Variants in RPAP3 observed in about 807,000 individuals in gnomAD.
RPAP3 encodes the protein RNA polymerase II associated protein 3.
In RPAP3, 58 loss-of-function variants were observed where a neutral mutation model predicts 88.8. The observed-to-expected ratio is 0.65, with a 90% CI of 0.53 to 0.81. The LOEUF is 0.81. Ranked by LOEUF, RPAP3 falls within the 40% of genes least tolerant of loss-of-function variation. The pLI, the probability that RPAP3 is intolerant of heterozygous loss-of-function variation, is 0.00. For synonymous variants in RPAP3, 255 were observed against 259.9 expected (o/e 0.98, Z 0.18); for missense variants, 751 against 764.3 (o/e 0.98, Z 0.20).
intron 9 of RPAP3, among the ~76,000 whole-genome samples, chr12:47,685,149 C>T (rs1409907864): frequency 1.3e-5 from 2 of 152,150 alleles, no homozygotes; most frequent in African/African-American, 4.8e-5. Context: ...GAGGCCGAGA[C>T]GGGCAGATCA....
At position 47,677,673 on chromosome 12, in the gene RPAP3, A is replaced by G. The variant is rs572773626; in HGVS notation, c.1287+1820T>C. On this transcript the variant is annotated intron_variant, in intron 12 of 16. Coordinates refer to ENST00000005386, the MANE Select transcript of RPAP3 (RefSeq NM_024604.3). Reference sequence around the variant, plus strand: ...ACAAAGAGAATAATACAATTGCTACAAAGAGAATAAAATACCTAGGAATCC... The same window carrying G: ...ACAAAGAGAATAATACAATTGCTACGAAGAGAATAAAATACCTAGGAATCC... Among the ~76,000 whole-genome samples the G allele has an allele frequency of 3.9e-5, 6 of 152,170 alleles. 1 individual carries two copies. The highest frequency in any genetic ancestry group is 1.4e-4 in the African/African-American group (6 of 41,544).
rs1182668677 is a variant in RPAP3, at chr12:47,701,508, T to C, written c.250A>G (p.Arg84Gly). 3 of 1,604,768 alleles carry C rather than the reference T, an allele frequency of 1.9e-6. No homozygotes were observed. Among genetic ancestry groups the C allele is most frequent in the Admixed American group, 1.7e-5 (1 of 58,424 alleles). The change falls in exon 3 of 17, where the codon AGG (arginine) becomes GGG (glycine). Residue 84 changes from arginine (R) to glycine (G), a missense_variant. Arg to Gly is a moderately radical substitution (Grantham distance 125). Transcript: ENST00000005386. ...GCCTCATAATCATAAGATTTTATCC[T>C]GTTTTTTGTGTTTTCCTCTCTGGTT... Reference protein sequence around the residue: ...KKTREENTKNRIKSYDYEAWA... With the variant: ...KKTREENTKNGIKSYDYEAWA...
chr12:47,697,337 T>A (rs1469509688), intron 4 of RPAP3, among the ~76,000 whole-genome samples: 4 of 152,168 alleles, frequency 2.6e-5, no homozygotes, highest in African/African-American at 9.7e-5. Context: ...CCGTTGAGGT[T>A]GGTAATATTA....
intron 8 of RPAP3, among the ~76,000 whole-genome samples, chr12:47,687,427 A>C (rs1366976727): frequency 3.9e-5 from 6 of 152,122 alleles, no homozygotes; most frequent in African/African-American, 1.4e-4. Context: ...CAAATATCAC[A>C]ATCAATAATC....
chr12:47,680,344 T>C (rs1197975124), intron 10 of RPAP3, among the ~76,000 whole-genome samples: 1 of 152,092 alleles, frequency 6.6e-6, no homozygotes, highest in African/African-American at 2.4e-5. Context: ...AGTTTTAGAA[T>C]GGGATGATGA....
intron 7 of RPAP3, among the ~76,000 whole-genome samples, chr12:47,688,549 T>C (rs1939369363): frequency 6.6e-6 from 1 of 152,178 alleles, no homozygotes; most frequent in Non-Finnish European, 1.5e-5. Context: ...TGCTCATTTA[T>C]TCAACAAATA....
chr12:47,675,523 A>G (rs1939094590), intron 12 of RPAP3, among the ~76,000 whole-genome samples: 1 of 152,240 alleles, frequency 6.6e-6, no homozygotes, highest in Non-Finnish European at 1.5e-5. Context: ...AGACGCACAT[A>G]GGCTCAAAAT....
Position 47,686,547 on chromosome 12 carries a change from C to CACAT in RPAP3, c.992+232_992+233insATGT, listed in dbSNP as rs71966937. ...GTACATAAACACACACATACACATA[C>CACAT]ACACACACACACACACACACACACA... On this transcript the variant is annotated intron_variant, in intron 9 of 16. Coordinates refer to ENST00000005386, the MANE Select transcript of RPAP3 (RefSeq NM_024604.3). Among the ~76,000 whole-genome samples, 11 of 112,642 alleles carry CACAT rather than the reference C, an allele frequency of 9.8e-5. No homozygotes were observed. In the South Asian group the frequency reaches 2.2e-3, roughly 23 times the overall value. The allele number at this position is 112,642 out of a possible 152,430, so 73.9% of individuals were successfully genotyped here. A position where few individuals can be genotyped will look rare whatever the true frequency, so the allele number is the denominator to read the frequency against.
rs570232836 is a variant in RPAP3 at position 47,666,565 on chromosome 12, C to T, written c.1912+415G>A. Among the ~76,000 whole-genome samples the T allele has an allele frequency of 6.9e-4, 105 of 152,272 alleles. 3 individuals carry two copies. Among genetic ancestry groups the T allele is most frequent in the Non-Finnish European group, 2.1e-4 (14 of 68,018 alleles). The stretch of plus-strand genomic sequence containing the variant: ...GTTACATGGTCCTGTGGCTTTGATC[C>T]TTTACATAGTAACAGTAGGAACTCC... On this transcript the variant is annotated intron_variant, in intron 16 of 16. Coordinates refer to ENST00000005386, the MANE Select transcript of RPAP3 (RefSeq NM_024604.3).
intron 14 of RPAP3, 100 bp downstream of exon 14, chr12:47,668,816 T>C: frequency 1.2e-6 from 1 of 832,560 alleles, no homozygotes; most frequent in Non-Finnish European, 1.9e-6. Context: ...ATTTCTACAA[T>C]AATATCCTAT....
rs1939655076 is a variant in RPAP3, at chr12:47,701,589, G to A, written c.169C>T (p.Arg57Ter). The A allele has an allele frequency of 3.2e-6, 5 of 1,582,694 alleles. No individual in the cohort carries two copies. Among genetic ancestry groups the A allele is most frequent in the Non-Finnish European group, 3.4e-6 (4 of 1,167,288 alleles). Residue 57 changes from arginine (R) to a stop codon, truncating the protein, a stop_gained, in exon 3 of 17, where the codon CGA (arginine) becomes TGA (stop). Transcript: ENST00000005386. LOFTEE classifies it high-confidence loss of function. ...GVPEENLPPIRNGNFRKKKKG... is the reference protein window; with the variant it reads ...GVPEENLPPI ...TTCTTTTTCCTAAAATTCCCATTTC[G>A]AATAGGAGGTAAATTCTAAGGAGGG...
At chr12:47,695,417 T>C (rs1939505895) in intron 5 of RPAP3, among the ~76,000 whole-genome samples, 1 of 152,026 alleles carries the variant, frequency 6.6e-6, no homozygotes. Context: ...CTTTTTTAAA[T>C]CAAAAGGATG....
Position 47,667,925 on chromosome 12 carries a change from G to C in RPAP3, c.1714-74C>G, listed in dbSNP as rs2136606169. The C allele has an allele frequency of 4.1e-6, 4 of 966,496 alleles. No homozygotes were observed. The East Asian group carries it at 1.0e-4, about 25-fold the overall frequency. The allele number at this position is 966,496 out of a possible 1,614,324, so 59.9% of individuals were successfully genotyped here. A position where few individuals can be genotyped will look rare whatever the true frequency, so the allele number is the denominator to read the frequency against. On this transcript the variant is annotated intron_variant, in intron 14 of 16. Transcript: ENST00000005386. ...TCACAAATTACACAACAATTGCTTGGGTAAAAATAGTAAAGAATAACTACT... is the reference window on the plus strand; with the variant it reads ...TCACAAATTACACAACAATTGCTTGCGTAAAAATAGTAAAGAATAACTACT...
intron 5 of RPAP3, among the ~76,000 whole-genome samples, chr12:47,695,472 G>A (rs1565722203): frequency 1.3e-5 from 2 of 152,074 alleles, no homozygotes; most frequent in Non-Finnish European, 2.9e-5. Context: ...AGGGAGGCAA[G>A]GGACAGGATA....
rs7304469 is a variant in RPAP3 at position 47,704,581 on chromosome 12, T to C, written c.-7+1371A>G. ...TTAGTAGAGACGGGGTTTCACCACG[T>C]TGGCCAGGCTGGTCTCGAACTCCTG... On this transcript the variant is annotated intron_variant, in intron 1 of 16. Coordinates refer to ENST00000005386, the MANE Select transcript of RPAP3 (RefSeq NM_024604.3). 8.7e-3 allele frequency among the ~76,000 whole-genome samples: 1,325 copies of C among 151,722 alleles called. 21 individuals carry two copies. The highest frequency in any genetic ancestry group is 0.029 in the African/African-American group (1,218 of 41,430).
chr12:47,705,176 C>T (rs1223791378), intron 1 of RPAP3, among the ~76,000 whole-genome samples: 2 of 152,048 alleles, frequency 1.3e-5, no homozygotes, highest in Non-Finnish European at 2.9e-5. Flanking sequence ...AGAGTCAAAG[C>T]TTTAGGCGGA....
intron 16 of RPAP3, among the ~76,000 whole-genome samples, chr12:47,664,124 T>C (rs1259239023): frequency 6.6e-6 from 1 of 152,222 alleles, no homozygotes; most frequent in Non-Finnish European, 1.5e-5. Context: ...GCGTGGTGGT[T>C]CACGCCTGTA....
chr12:47,669,396 C>T (rs1321573006), intron 13 of RPAP3, among the ~76,000 whole-genome samples: 2 of 152,100 alleles, frequency 1.3e-5, no homozygotes, highest in Non-Finnish European at 2.9e-5. Context: ...TACCATGTCA[C>T]ATACACTAAT....
intron 6 of RPAP3, among the ~76,000 whole-genome samples, chr12:47,689,659 T>A (rs570829015): frequency 7.0e-5 from 10 of 142,322 alleles, no homozygotes; most frequent in African/African-American, 2.1e-4. Flanking sequence ...ACTTTCTTCT[T>A]CTCCCCCCAG....
Sources: allele counts gnomAD v4.1 joint callset (sites outside exome capture counted in the v4.1 genomes callset), GRCh38; gene constraint gnomAD v4.1.1; transcripts MANE v1.5; gene names NCBI Gene and HGNC (gene_info 2026-07-23, HGNC 2026-07-21).